The following SHB variants were observed in gnomAD, a reference collection of about 807,000 sequenced individuals.
The protein encoded by SHB is SH2 domain-containing adapter protein B.
A neutral mutation model predicts 52.3 loss-of-function variants in SHB; 20 were observed. That is an observed-to-expected ratio of 0.38 (90% CI 0.27 to 0.56). SHB has a LOEUF of 0.56. Among genes scored for constraint, SHB ranks in the 20% least tolerant of loss-of-function variants. SHB has a pLI of 0.71. For missense variants in SHB, 825 were observed against 723.3 expected (o/e 1.14, Z -1.61); for synonymous variants, 397 against 316.5 (o/e 1.25, Z -2.70).
rs150455683 is a variant in SHB at position 37,974,565 on chromosome 9, G to C, written c.1054+57C>G. 4.1e-3 allele frequency: 6,039 copies of C among 1,473,850 alleles called. 23 individuals carry two copies. Among genetic ancestry groups the C allele is most frequent in the Non-Finnish European group, 5.2e-3 (5,530 of 1,071,736 alleles). The allele number at this position is 1,473,850 out of a possible 1,614,324, so 91.3% of individuals were successfully genotyped here. A position where few individuals can be genotyped will look rare whatever the true frequency, so the allele number is the denominator to read the frequency against. ...TGTCCTGAGCGCAGGTGGGGACCAA[G>C]GTGAGTGCTGAGCGCAGCTCAGCAG... On this transcript the variant is annotated intron_variant, in intron 3 of 5. Coordinates refer to ENST00000377707, the MANE Select transcript of SHB (RefSeq NM_003028.3).
intron 5 of SHB, among the ~76,000 whole-genome samples, chr9:37,944,067 G>C (rs1235008124): frequency 2.6e-5 from 4 of 152,178 alleles, no homozygotes; most frequent in African/African-American, 7.2e-5. Context: ...GGCCAGTGGT[G>C]GGTGCCAGGT....
intron 1 of SHB, among the ~76,000 whole-genome samples, chr9:38,063,570 T>A (rs889192758): frequency 2.0e-5 from 3 of 152,258 alleles, no homozygotes; most frequent in African/African-American, 7.2e-5. Flanking sequence ...AGGCCCTCTT[T>A]GGCTTCCCAG....
chr9:37,919,560 CA>C lies in SHB; in HGVS notation c.*260del, dbSNP rs1832149963. The C allele has an allele frequency of 5.2e-6, 1 of 193,494 alleles. No individual in the cohort carries two copies. Among genetic ancestry groups the C allele is most frequent in the Non-Finnish European group, 1.0e-5 (1 of 96,702 alleles). 12.0% of individuals were successfully genotyped at this position (193,494 alleles called of 1,614,324 possible). On this transcript the variant is annotated 3_prime_UTR_variant, in exon 6 of 6. Coordinates refer to ENST00000377707, the MANE Select transcript of SHB (RefSeq NM_003028.3). ...CCTGGAAGGCATCTCTTTGGATTTG[CA>C]AATATTTTAATTCACAGAAACTCAA... is the stretch of plus-strand genomic sequence containing the variant.
chr9:37,985,366 G>C (rs78251801), intron 2 of SHB, among the ~76,000 whole-genome samples: 8 of 152,236 alleles, frequency 5.3e-5, no homozygotes, highest in Non-Finnish European at 1.0e-4. Flanking sequence ...ACCTGATGAC[G>C]ACCAATTGCT....
intron 2 of SHB, among the ~76,000 whole-genome samples, chr9:38,007,827 C>T (rs887425601): frequency 6.6e-6 from 1 of 151,780 alleles, no homozygotes; most frequent in African/African-American, 2.4e-5. Context: ...TAAGGAACAA[C>T]ATCAGAGAGG....
intron 2 of SHB, among the ~76,000 whole-genome samples, chr9:38,010,206 T>C (rs531529395): frequency 1.3e-5 from 2 of 152,334 alleles, no homozygotes; most frequent in South Asian, 4.1e-4. Flanking sequence ...TGAACATCCC[T>C]ATACCTCATA....
chr9:37,957,428 A>G (rs1184030539), intron 3 of SHB, among the ~76,000 whole-genome samples: 1 of 152,150 alleles, frequency 6.6e-6, no homozygotes, highest in Non-Finnish European at 1.5e-5. Context: ...CATCTTCCCT[A>G]TCAGGGACTG....
intron 2 of SHB, among the ~76,000 whole-genome samples, chr9:37,995,834 G>A (rs1311423987): frequency 6.6e-6 from 1 of 152,116 alleles, no homozygotes; most frequent in Non-Finnish European, 1.5e-5. Context: ...ACACTTGACG[G>A]CACTCCCTTA....
At chr9:37,949,719 G>A (rs1163021780) in intron 4 of SHB, among the ~76,000 whole-genome samples, 1 of 152,196 alleles carries the variant, frequency 6.6e-6, no homozygotes, top group Non-Finnish European at 1.5e-5. Flanking sequence ...TCTGACTCAG[G>A]GATGTGTGCA....
chr9:38,061,343 A>G (rs1821889138), intron 1 of SHB, among the ~76,000 whole-genome samples: 2 of 151,536 alleles, frequency 1.3e-5, no homozygotes, highest in South Asian at 2.1e-4. Context: ...TAGAAAATAC[A>G]TCACCCCTAC....
intron 1 of SHB, among the ~76,000 whole-genome samples, chr9:38,020,424 C>A (rs1587247500): frequency 6.6e-6 from 1 of 152,364 alleles, no homozygotes; most frequent in East Asian, 1.9e-4. Context: ...CCCCACCAGT[C>A]TAGAGACAAG....
chr9:37,931,899 T>C (rs1777846645), intron 5 of SHB, among the ~76,000 whole-genome samples: 1 of 152,158 alleles, frequency 6.6e-6, no homozygotes, highest in African/African-American at 2.4e-5. Flanking sequence ...AGAATACTAT[T>C]CCGCCCTAAA....
rs1355315839 is a variant in SHB, at chr9:37,948,514, A to G, written c.1346+121T>C. 3.3e-6 allele frequency: 4 copies of G among 1,223,764 alleles called. No individual in the cohort carries two copies. In the African/African-American group the frequency reaches 4.5e-5, roughly 14 times the overall value. 75.8% of individuals were successfully genotyped at this position (1,223,764 alleles called of 1,614,324 possible). On this transcript the variant is annotated intron_variant, in intron 5 of 5. Transcript: ENST00000377707. Reference sequence around the variant, plus strand: ...TCAAATTGAAAAACCCAGGCCTAAAATAACGTGTGCTGGCAAGTTTCCCAG... The same window carrying G: ...TCAAATTGAAAAACCCAGGCCTAAAGTAACGTGTGCTGGCAAGTTTCCCAG...
At chr9:37,939,357 G>A (rs1054116926) in intron 5 of SHB, among the ~76,000 whole-genome samples, 2 of 152,218 alleles carry the variant, frequency 1.3e-5, no homozygotes, top group Non-Finnish European at 2.9e-5. Context: ...CTGACAACAC[G>A]GCCTTAAGAC....
chr9:38,066,931 G>A (rs1019699631), intron 1 of SHB, among the ~76,000 whole-genome samples: 2 of 152,082 alleles, frequency 1.3e-5, no homozygotes, highest in East Asian at 3.9e-4. Context: ...CACGCACCAG[G>A]GCGCTGAGAA....
intron 2 of SHB, among the ~76,000 whole-genome samples, chr9:37,975,862 GGGAA>G (rs1023325840): frequency 7.2e-5 from 11 of 152,220 alleles, no homozygotes; most frequent in Admixed American, 5.2e-4. Context: ...CAGGGCAGGA[GGGAA>G]GGGAGATGGC....
intron 1 of SHB, among the ~76,000 whole-genome samples, chr9:38,048,895 C>A (rs1821696659): frequency 6.6e-6 from 1 of 152,218 alleles, no homozygotes; most frequent in African/African-American, 2.4e-5. Flanking sequence ...TAAGCCTCTC[C>A]ATGTTGCTCT....
At chr9:37,934,942 C>T (rs1564082318) in intron 5 of SHB, among the ~76,000 whole-genome samples, 1 of 152,178 alleles carries the variant, frequency 6.6e-6, no homozygotes, top group African/African-American at 2.4e-5. Flanking sequence ...TTGAGTTCCA[C>T]AAAGTTACTT....
intron 2 of SHB, among the ~76,000 whole-genome samples, chr9:38,002,174 T>C (rs915823711): frequency 6.6e-6 from 1 of 152,038 alleles, no homozygotes; most frequent in Non-Finnish European, 1.5e-5. Flanking sequence ...GTTCTGAGGA[T>C]GAAATGAGAT....
Sources: allele counts gnomAD v4.1 joint callset (sites outside exome capture counted in the v4.1 genomes callset), GRCh38; gene constraint gnomAD v4.1.1; transcripts MANE v1.5; gene names NCBI Gene and HGNC (gene_info 2026-07-23, HGNC 2026-07-21).